EVI5: variants seen among roughly 807,000 people sequenced by gnomAD.
EVI5 encodes the protein ecotropic viral integration site 5.
A neutral mutation model predicts 112.0 loss-of-function variants in EVI5; 73 were observed. The observed-to-expected ratio is 0.65, with a 90% CI of 0.54 to 0.79. The LOEUF (loss-of-function observed/expected upper bound fraction) is 0.79, where lower values mean the gene tolerates loss of function less well. EVI5 is among the 30% of genes least tolerant of loss of function. The pLI is 0.00. For missense variants in EVI5, 900 were observed against 968.8 expected (o/e 0.93, Z 0.94); for synonymous variants, 305 against 319.9 (o/e 0.95, Z 0.50).
chr1:92,775,354 G>A (rs955559717), intron 1 of EVI5, among the ~76,000 whole-genome samples: 4 of 151,804 alleles, frequency 2.6e-5, no homozygotes, highest in Admixed American at 2.6e-4. Flanking sequence ...TTGAACCCAG[G>A]AGGCAGAAGT....
At chr1:92,545,020 C>T (rs927366702) in intron 19 of EVI5, among the ~76,000 whole-genome samples, 1 of 152,102 alleles carries the variant, frequency 6.6e-6, no homozygotes, top group African/African-American at 2.4e-5. Flanking sequence ...TCGTGTCCAC[C>T]TGCATCTGTA....
chr1:92,587,621 A>G (rs1020876265), intron 18 of EVI5, among the ~76,000 whole-genome samples: 17 of 152,206 alleles, frequency 1.1e-4, no homozygotes, highest in African/African-American at 4.1e-4. Context: ...CCCTCATTCT[A>G]TGTCAGAACA....
intron 13 of EVI5, among the ~76,000 whole-genome samples, chr1:92,661,082 T>A (rs1417779792): frequency 6.6e-6 from 1 of 152,008 alleles, no homozygotes; most frequent in African/African-American, 2.4e-5. Flanking sequence ...AAAACAGGAC[T>A]AGAATCTAGT....
chr1:92,660,480 G>C (rs1572158716), intron 13 of EVI5, among the ~76,000 whole-genome samples: 1 of 151,950 alleles, frequency 6.6e-6, no homozygotes, highest in East Asian at 1.9e-4. Flanking sequence ...GTTACAGTTA[G>C]ATAGGAAGAA....
intron 14 of EVI5, among the ~76,000 whole-genome samples, chr1:92,635,547 G>A (rs767170320): frequency 3.9e-5 from 6 of 152,154 alleles, no homozygotes; most frequent in Non-Finnish European, 8.8e-5. Flanking sequence ...ATTAGGGTGC[G>A]AGTGACCCGA....
intron 2 of EVI5, chr1:92,733,137 G>T: frequency 4.4e-6 from 1 of 226,090 alleles, no homozygotes; most frequent in South Asian, 7.9e-5. Context: ...CTTATCCTTA[G>T]AACTTACTTT....
intron 11 of EVI5, among the ~76,000 whole-genome samples, chr1:92,664,828 G>A (rs936883522): frequency 2.0e-5 from 3 of 152,108 alleles, no homozygotes; most frequent in African/African-American, 7.2e-5. Context: ...TTTCTTGATT[G>A]TAGATTTTCA....
At position 92,767,337 on chromosome 1, in the gene EVI5, T is replaced by C. The variant is rs142354167; in HGVS notation, c.-82+17499A>G. On this transcript the variant is annotated intron_variant, in intron 1 of 19. Transcript: ENST00000684568. ...TAATTATTAATTGTTGTCTTTACTCTGTTACTGTGCCTAATTTATAAATAA... is the reference window on the plus strand; with the variant it reads ...TAATTATTAATTGTTGTCTTTACTCCGTTACTGTGCCTAATTTATAAATAA... Among the ~76,000 whole-genome samples, 10 of 152,360 alleles carry C rather than the reference T, an allele frequency of 6.6e-5. No homozygotes were observed. The East Asian group carries it at 1.7e-3, about 26-fold the overall frequency.
chr1:92,569,209 A>G (rs1669944248), intron 18 of EVI5, among the ~76,000 whole-genome samples: 1 of 152,192 alleles, frequency 6.6e-6, no homozygotes, highest in Admixed American at 6.5e-5. Context: ...CGTAAATGAA[A>G]GATTGAGTGA....
At chr1:92,709,219 CA>C (rs1558121938) in intron 2 of EVI5, among the ~76,000 whole-genome samples, 1 of 152,120 alleles carries the variant, frequency 6.6e-6, no homozygotes, top group African/African-American at 2.4e-5. Flanking sequence ...AGATGATGGA[CA>C]TTTTCTAATA....
intron 16 of EVI5, among the ~76,000 whole-genome samples, chr1:92,623,713 T>C (rs1438468165): frequency 6.6e-6 from 1 of 152,228 alleles, no homozygotes; most frequent in Non-Finnish European, 1.5e-5. Context: ...TTTGGCAATG[T>C]GTGCAGAAAC....
At chr1:92,653,947 G>A (rs1222752243) in intron 13 of EVI5, among the ~76,000 whole-genome samples, 5 of 152,014 alleles carry the variant, frequency 3.3e-5, no homozygotes, top group Non-Finnish European at 5.9e-5. Flanking sequence ...CTGCCTGCCC[G>A]GGCTATGGAA....
intron 2 of EVI5, among the ~76,000 whole-genome samples, chr1:92,712,600 A>T (rs985186781): frequency 6.6e-6 from 1 of 152,066 alleles, no homozygotes; most frequent in African/African-American, 2.4e-5. Context: ...GAGAACTGAT[A>T]AAAAAATTTA....
intron 19 of EVI5, among the ~76,000 whole-genome samples, chr1:92,563,254 T>TAAA (rs1668912121): frequency 1.3e-5 from 2 of 152,004 alleles, no homozygotes; most frequent in African/African-American, 4.8e-5. Flanking sequence ...AAGACAAGAG[T>TAAA]AAAAAGACTT....
intron 2 of EVI5, among the ~76,000 whole-genome samples, chr1:92,723,293 A>G (rs1675043431): frequency 6.6e-6 from 1 of 152,234 alleles, no homozygotes. Context: ...CAAATAATAT[A>G]AATCAATTTT....
intron 1 of EVI5, chr1:92,749,276 GC>G: frequency 3.1e-6 from 1 of 319,654 alleles, no homozygotes. Context: ...CTGGCAGTTA[GC>G]TTTGTACCAG....
intron 5 of EVI5, chr1:92,701,082 A>G (rs1197477199): frequency 1.3e-5 from 2 of 152,206 alleles, no homozygotes; most frequent in South Asian, 4.1e-4. Context: ...AACACAAAGT[A>G]AAAATTATTT....
At chr1:92,680,879 T>C (rs1667478428) in intron 9 of EVI5, among the ~76,000 whole-genome samples, 1 of 152,116 alleles carries the variant, frequency 6.6e-6, no homozygotes, top group Admixed American at 6.6e-5. Context: ...TGTACACTCT[T>C]TAAATATATC....
intron 18 of EVI5, among the ~76,000 whole-genome samples, chr1:92,576,349 A>C (rs10782936): frequency 6.6e-6 from 1 of 151,980 alleles, no homozygotes; most frequent in African/African-American, 2.4e-5. Flanking sequence ...TATGTTAAAC[A>C]CAAGTATTGG....
Sources: gnomAD v4.1 joint callset for allele counts (sites outside exome capture counted in the v4.1 genomes callset) on GRCh38, gnomAD v4.1.1 for gene constraint, MANE v1.5 for transcripts, NCBI Gene and HGNC (gene_info 2026-07-23, HGNC 2026-07-21) for gene names.